The following LARGE1 variants were observed in gnomAD, a reference collection of about 807,000 sequenced individuals.
LARGE1 encodes LARGE xylosyl- and glucuronyltransferase 1, also known as xylosyl- and glucuronyltransferase LARGE1.
In LARGE1, 43 loss-of-function variants were observed where a neutral mutation model predicts 87.6. That is an observed-to-expected ratio of 0.49 (90% confidence interval 0.38 to 0.63). The LOEUF is 0.63. Among genes scored for constraint, LARGE1 ranks in the 30% least tolerant of loss-of-function variants. The pLI is 0.00. For synonymous variants in LARGE1, 434 were observed against 394.6 expected, an observed-to-expected ratio of 1.10 and a Z score of -1.18; for missense variants, 802 against 1,000.2, an observed-to-expected ratio of 0.80 and a Z score of 2.67.
intron 6 of LARGE1, among the ~76,000 whole-genome samples, chr22:33,439,656 A>C (rs150259161): frequency 6.6e-6 from 1 of 152,128 alleles, no homozygotes; most frequent in Non-Finnish European, 1.5e-5. Context: ...GATGATCACC[A>C]ATCTCCATGT....
At chr22:33,464,215 T>C (rs1262932148) in intron 6 of LARGE1, among the ~76,000 whole-genome samples, 2 of 152,160 alleles carry the variant, frequency 1.3e-5, no homozygotes, top group African/African-American at 4.8e-5. Flanking sequence ...ATCACTACCA[T>C]ACAAAAAGTA....
chr22:33,744,968 T>C (rs239334), intron 2 of LARGE1, among the ~76,000 whole-genome samples: 40,004 of 152,066 alleles, frequency 0.26, 5,775 homozygotes, highest in East Asian at 0.46. Context: ...TGATGTGTCA[T>C]GAACATAAAT....
At chr22:33,861,164 T>C (rs1255839123) in intron 1 of LARGE1, among the ~76,000 whole-genome samples, 1 of 152,156 alleles carries the variant, frequency 6.6e-6, no homozygotes, top group Admixed American at 6.5e-5. Flanking sequence ...AAAAGGTCAG[T>C]AAGCACAGCC....
intron 5 of LARGE1, among the ~76,000 whole-genome samples, chr22:33,577,132 C>T (rs762879): frequency 0.59 from 89,350 of 152,012 alleles, 26,782 homozygotes; most frequent in African/African-American, 0.72. Flanking sequence ...ATTTACTCTA[C>T]TGCATGCATT....
At chr22:33,702,128 T>C (rs752366008) in intron 2 of LARGE1, among the ~76,000 whole-genome samples, 1 of 152,234 alleles carries the variant, frequency 6.6e-6, no homozygotes, top group Non-Finnish European at 1.5e-5. Flanking sequence ...CTAGGAACAA[T>C]GCTTGGCACA....
At chr22:33,368,533 CAAAAAAAAAA>C (rs34999879) in intron 9 of LARGE1, among the ~76,000 whole-genome samples, 1 of 115,680 alleles carries the variant, frequency 8.6e-6, no homozygotes. Context: ...GACTCTTTCT[CAAAAAAAAAA>C]AAAAAAAAAG....
At chr22:33,731,371 G>C (rs1051654919) in intron 2 of LARGE1, among the ~76,000 whole-genome samples, 5 of 152,164 alleles carry the variant, frequency 3.3e-5, no homozygotes, top group African/African-American at 1.2e-4. Context: ...GCAAAACTTG[G>C]ATATCTGAGG....
chr22:33,224,346 T>C (rs1925621189), intron 11 of LARGE1, among the ~76,000 whole-genome samples: 1 of 152,184 alleles, frequency 6.6e-6, no homozygotes, highest in Non-Finnish European at 1.5e-5. Flanking sequence ...ACTAGACAGC[T>C]CAGCTTCCTC....
intron 1 of LARGE1, among the ~76,000 whole-genome samples, chr22:33,764,343 A>G (rs951419533): frequency 1.3e-5 from 2 of 152,208 alleles, no homozygotes; most frequent in African/African-American, 4.8e-5. Flanking sequence ...GACCCCCCAC[A>G]GATACCAAAA....
intron 1 of LARGE1, among the ~76,000 whole-genome samples, chr22:33,919,706 G>A (rs2065888494): frequency 6.6e-6 from 1 of 152,234 alleles, no homozygotes; most frequent in Non-Finnish European, 1.5e-5. Context: ...TGCGGGTATC[G>A]GTCACATGCC....
chr22:33,534,028 A>C (rs1003387516), intron 6 of LARGE1, among the ~76,000 whole-genome samples: 7 of 151,550 alleles, frequency 4.6e-5, no homozygotes, highest in African/African-American at 1.7e-4. Flanking sequence ...GACTCTTCAT[A>C]ATGCGGATGA....
intron 6 of LARGE1, among the ~76,000 whole-genome samples, chr22:33,530,058 C>G (rs996361247): frequency 5.9e-5 from 9 of 152,194 alleles, no homozygotes; most frequent in African/African-American, 2.2e-4. Context: ...CAGCTTATAA[C>G]TAATTTCTAA....
chr22:33,687,427 C>T (rs1253819541), intron 2 of LARGE1, among the ~76,000 whole-genome samples: 1 of 151,010 alleles, frequency 6.6e-6, no homozygotes. Flanking sequence ...GCCGATAGAA[C>T]TTGGTTCTTA....
the LARGE1 span, among the ~76,000 whole-genome samples, chr22:33,088,870 C>T: frequency 6.6e-6 from 1 of 152,074 alleles, no homozygotes; most frequent in Non-Finnish European, 1.5e-5. Flanking sequence ...AATAGTGGGT[C>T]CTATTTCACA....
chr22:33,618,016 A>T (rs971397527), intron 4 of LARGE1, among the ~76,000 whole-genome samples: 1 of 152,228 alleles, frequency 6.6e-6, no homozygotes, highest in Non-Finnish European at 1.5e-5. Flanking sequence ...AGGACATTTG[A>T]GCTGAAATAA....
chr22:33,627,327 C>T (rs533477329), intron 3 of LARGE1, among the ~76,000 whole-genome samples: 3 of 152,172 alleles, frequency 2.0e-5, no homozygotes, highest in East Asian at 1.9e-4. Context: ...TATCCAGCCT[C>T]GGGAAGAATG....
chr22:33,596,515 T>G (rs1168193841), intron 5 of LARGE1, among the ~76,000 whole-genome samples: 1 of 152,184 alleles, frequency 6.6e-6, no homozygotes, highest in Non-Finnish European at 1.5e-5. Context: ...GTGGTAATTT[T>G]TCCAGACCTG....
chr22:33,856,917 A>G (rs1365277689), intron 1 of LARGE1: 2 of 152,152 alleles, frequency 1.3e-5, no homozygotes, highest in Non-Finnish European at 2.9e-5. Flanking sequence ...GCAAGCAGAA[A>G]AAGCTAAAAT....
chr22:33,543,100 C>T (rs1023054204), intron 6 of LARGE1, among the ~76,000 whole-genome samples: 48 of 152,088 alleles, frequency 3.2e-4, no homozygotes, highest in African/African-American at 1.1e-3. Context: ...ATTTATCTTT[C>T]GACACATCCC....
Sources: allele counts gnomAD v4.1 joint callset (sites outside exome capture counted in the v4.1 genomes callset), GRCh38; gene constraint gnomAD v4.1.1; transcripts MANE v1.5; gene names NCBI Gene and HGNC (gene_info 2026-07-23, HGNC 2026-07-21).